HHIP: variants seen among roughly 807,000 people sequenced by gnomAD.
HHIP encodes hedgehog-interacting protein.
Under a neutral mutation model 74.0 loss-of-function variants are expected in HHIP, and 12 were observed. The observed-to-expected ratio is 0.16, with a 90% CI of 0.10 to 0.26. The LOEUF (loss-of-function observed/expected upper bound fraction) is 0.26. Among genes scored for constraint, HHIP ranks in the 10% least tolerant of loss-of-function variants. The probability of loss-of-function intolerance (pLI) is 1.00; values close to 1 mark genes in which losing one functional copy is unlikely to be tolerated. For missense variants in HHIP, 788 were observed against 845.0 expected (o/e 0.93, Z 0.84); for synonymous variants, 309 against 311.6 (o/e 0.99, Z 0.09).
At chr4:144,684,769 A>G (rs1729442262) in intron 4 of HHIP, among the ~76,000 whole-genome samples, 1 of 152,148 alleles carries the variant, frequency 6.6e-6, no homozygotes, top group African/African-American at 2.4e-5. Context: ...TTATTTCCAT[A>G]TACCAGACTA....
Position 144,646,225 on chromosome 4 carries a change from G to GGCCCTGCCTCCGCCT in HHIP, c.-446_-432dup. ...TCAGCATCATCTAGAGCCCAGCGCTGGCCCTGCCTCCGCCTGCCCCGCCGC... is the reference window on the plus strand; with the variant it reads ...TCAGCATCATCTAGAGCCCAGCGCTGGCCCTGCCTCCGCCTGCCCTGCCTCCGCCTGCCCCGCCGC... On this transcript the variant is annotated 5_prime_UTR_variant, in exon 1 of 13. Transcript: ENST00000296575. 6.1e-6 allele frequency: 1 copy of GGCCCTGCCTCCGCCT among 165,258 alleles called. No individual in the cohort carries two copies. The highest frequency in any genetic ancestry group is 1.3e-5 in the Non-Finnish European group (1 of 76,630). 10.2% of individuals were successfully genotyped at this position (165,258 alleles called of 1,614,324 possible). A position where few individuals can be genotyped will look rare whatever the true frequency, so the allele number is the denominator to read the frequency against.
At chr4:144,671,684 G>T (rs891534783) in intron 4 of HHIP, among the ~76,000 whole-genome samples, 1 of 152,140 alleles carries the variant, frequency 6.6e-6, no homozygotes, top group Non-Finnish European at 1.5e-5. Flanking sequence ...CATCTATGAA[G>T]TCAAAGGACT....
intron 11 of HHIP, among the ~76,000 whole-genome samples, chr4:144,729,481 G>A (rs759509045): frequency 1.2e-4 from 19 of 152,008 alleles, no homozygotes; most frequent in Non-Finnish European, 1.5e-4. Context: ...TTTAGAAACA[G>A]GCCTCACAAA....
intron 4 of HHIP, among the ~76,000 whole-genome samples, chr4:144,668,756 A>G (rs1728949012): frequency 6.6e-6 from 1 of 152,164 alleles, no homozygotes; most frequent in Non-Finnish European, 1.5e-5. Flanking sequence ...GTCTCAAAGA[A>G]AAACAAAACA....
In HHIP at chr4:144,740,011, T is replaced by C. The variant is rs1011895387; in HGVS notation, c.*2054T>C. ...TAAAAAAAAATGTCCTGACAACCAT[T>C]TTTGTAAATGGACCTTACCATCTAA... On this transcript the variant is annotated 3_prime_UTR_variant, in exon 13 of 13. Coordinates refer to ENST00000296575, the MANE Select transcript of HHIP (RefSeq NM_022475.3). The C allele has an allele frequency of 2.0e-5, 3 of 152,188 alleles. No individual in the cohort carries two copies. Among genetic ancestry groups the C allele is most frequent in the African/African-American group, 7.2e-5 (3 of 41,462 alleles). The allele number at this position is 152,188 out of a possible 1,614,324, so 9.4% of individuals were successfully genotyped here.
chr4:144,696,693 C>T (rs1729828402), intron 4 of HHIP, among the ~76,000 whole-genome samples: 1 of 151,986 alleles, frequency 6.6e-6, no homozygotes, highest in African/African-American at 2.4e-5. Context: ...CTCAATTCCT[C>T]TATGCCTCTT....
At chr4:144,685,684 A>T (rs548847335) in intron 4 of HHIP, 27 of 152,318 alleles carry the variant, frequency 1.8e-4, no homozygotes, top group African/African-American at 6.3e-4. Context: ...AGAAAAAAAA[A>T]TAGAAGAAGG....
Position 144,745,111 on chromosome 4 carries a change from T to C in HHIP, c.*7154T>C, listed in dbSNP as rs1731346377. On this transcript the variant is annotated 3_prime_UTR_variant, in exon 13 of 13. Coordinates refer to ENST00000296575, the MANE Select transcript of HHIP (RefSeq NM_022475.3). Reference sequence around the variant, plus strand: ...CAGAGAATTGGTTTTATTGTTGATCTGTGGATTTAATGATTTCTAGGTGAA... The same window carrying C: ...CAGAGAATTGGTTTTATTGTTGATCCGTGGATTTAATGATTTCTAGGTGAA... 1.3e-5 allele frequency: 2 copies of C among 152,222 alleles called. No individual in the cohort carries two copies. The highest frequency in any genetic ancestry group is 1.3e-4 in the Admixed American group (2 of 15,278). The allele number at this position is 152,222 out of a possible 1,614,324, so 9.4% of individuals were successfully genotyped here. A position where few individuals can be genotyped will look rare whatever the true frequency, so the allele number is the denominator to read the frequency against.
intron 4 of HHIP, among the ~76,000 whole-genome samples, chr4:144,677,076 C>T (rs370812468): frequency 6.6e-6 from 1 of 152,144 alleles, no homozygotes; most frequent in Non-Finnish European, 1.5e-5. Flanking sequence ...ACAGCAAGGA[C>T]AGTTATGGCC....
chr4:144,695,761 C>T (rs1729798829), intron 4 of HHIP, among the ~76,000 whole-genome samples: 1 of 151,792 alleles, frequency 6.6e-6, no homozygotes, highest in Non-Finnish European at 1.5e-5. Flanking sequence ...TCAAGCCTTA[C>T]AAATCATTCA....
intron 4 of HHIP, among the ~76,000 whole-genome samples, chr4:144,682,352 C>T (rs1729369617): frequency 6.6e-6 from 1 of 152,196 alleles, no homozygotes; most frequent in South Asian, 2.1e-4. Context: ...AGTGTTTTCC[C>T]ATGAAAACAA....
At chr4:144,675,093 C>A (rs1321262847) in intron 4 of HHIP, among the ~76,000 whole-genome samples, 2 of 152,024 alleles carry the variant, frequency 1.3e-5, no homozygotes, top group Non-Finnish European at 2.9e-5. Flanking sequence ...AAATGCTTAA[C>A]CTAATAAGCA....
intron 7 of HHIP, among the ~76,000 whole-genome samples, chr4:144,710,186 C>T (rs1730253945): frequency 6.6e-6 from 1 of 152,214 alleles, no homozygotes. Context: ...TCCAGATTTG[C>T]TGTTTCTTGT....
chr4:144,712,314 A>C (rs1730328234), intron 8 of HHIP, among the ~76,000 whole-genome samples: 1 of 152,168 alleles, frequency 6.6e-6, no homozygotes, highest in African/African-American at 2.4e-5. Flanking sequence ...CAAAAAATTT[A>C]ACCGTCCTTC....
chr4:144,650,255 T>G (rs1273286620), intron 1 of HHIP, among the ~76,000 whole-genome samples: 1 of 152,102 alleles, frequency 6.6e-6, no homozygotes, highest in African/African-American at 2.4e-5. Flanking sequence ...TTTATTTTCG[T>G]GTGGCTAAAG....
chr4:144,717,906 C>G lies in HHIP; in HGVS notation c.1679-969C>G, dbSNP rs1298809852. Among the ~76,000 whole-genome samples, 4 of 152,158 alleles carry G rather than the reference C, an allele frequency of 2.6e-5. No individual in the cohort carries two copies. The East Asian group carries it at 7.7e-4, about 29-fold the overall frequency. On this transcript the variant is annotated intron_variant, in intron 10 of 12. Coordinates refer to ENST00000296575, the MANE Select transcript of HHIP (RefSeq NM_022475.3). Reference sequence around the variant, plus strand: ...GCAATTAACGGTAACAACTTGATAACTGACATGTATCAATCTTGCACAGAA... The same window carrying G: ...GCAATTAACGGTAACAACTTGATAAGTGACATGTATCAATCTTGCACAGAA...
At chr4:144,734,437 TCTTA>T (rs1466228929) in intron 11 of HHIP, among the ~76,000 whole-genome samples, 2 of 152,106 alleles carry the variant, frequency 1.3e-5, no homozygotes, top group Non-Finnish European at 2.9e-5. Context: ...TGTTAGAAAT[TCTTA>T]CTTACCAAAT....
intron 11 of HHIP, among the ~76,000 whole-genome samples, chr4:144,726,917 C>G (rs1730823195): frequency 6.6e-6 from 1 of 152,186 alleles, no homozygotes; most frequent in East Asian, 1.9e-4. Context: ...TGTTTCTAAT[C>G]TCTCCTGAAG....
intron 4 of HHIP, among the ~76,000 whole-genome samples, chr4:144,686,038 T>C (rs1729474444): frequency 6.6e-6 from 1 of 152,212 alleles, no homozygotes; most frequent in African/African-American, 2.4e-5. Context: ...GCCTTCTTTT[T>C]TGCCAACTGA....
Sources: allele counts gnomAD v4.1 joint callset (sites outside exome capture counted in the v4.1 genomes callset), GRCh38; gene constraint gnomAD v4.1.1; transcripts MANE v1.5; gene names NCBI Gene and HGNC (gene_info 2026-07-23, HGNC 2026-07-21).